The following C8orf34 variants were observed in gnomAD, a reference collection of about 807,000 sequenced individuals.
C8orf34 encodes chromosome 8 open reading frame 34.
A neutral mutation model predicts 68.3 loss-of-function variants in C8orf34; 65 were observed. The observed-to-expected ratio is 0.95, with a 90% CI of 0.78 to 1.17. The LOEUF is 1.17. C8orf34 is among the 50% of genes most tolerant of loss of function. The pLI is 0.00. For synonymous variants in C8orf34, 244 were observed against 241.2 expected (o/e 1.01, Z -0.11); for missense variants, 664 against 655.4 (o/e 1.01, Z -0.14).
chr8:68,506,915 T>G (rs1814048779), intron 5 of C8orf34, among the ~76,000 whole-genome samples: 1 of 152,200 alleles, frequency 6.6e-6, no homozygotes, highest in Non-Finnish European at 1.5e-5. Flanking sequence ...AAGTTTGTCA[T>G]TTGTCCATTG....
chr8:68,740,845 G>C (rs532728137), intron 10 of C8orf34, among the ~76,000 whole-genome samples: 1 of 152,248 alleles, frequency 6.6e-6, no homozygotes, highest in African/African-American at 2.4e-5. Context: ...CCCACCAACG[G>C]TAGACTGGAT....
At chr8:68,748,049 T>C (rs1822565254) in intron 10 of C8orf34, among the ~76,000 whole-genome samples, 1 of 150,226 alleles carries the variant, frequency 6.7e-6, no homozygotes, top group Admixed American at 6.6e-5. Context: ...TATAGATCAA[T>C]GGAACACAAC....
chr8:68,354,277 C>T (rs1247058316), intron 1 of C8orf34, among the ~76,000 whole-genome samples: 1 of 151,580 alleles, frequency 6.6e-6, no homozygotes, highest in African/African-American at 2.4e-5. Context: ...AAACTTATAC[C>T]CAATTTTATT....
intron 1 of C8orf34, among the ~76,000 whole-genome samples, chr8:68,404,160 C>T (rs1424646143): frequency 2.0e-5 from 3 of 151,952 alleles, no homozygotes; most frequent in Non-Finnish European, 2.9e-5. Context: ...GTTTGTTGGC[C>T]GTATAAATGT....
At chr8:68,566,345 T>C (rs551949555) in intron 7 of C8orf34, among the ~76,000 whole-genome samples, 1 of 152,286 alleles carries the variant, frequency 6.6e-6, no homozygotes, top group South Asian at 2.1e-4. Flanking sequence ...CCAGTGTCTG[T>C]TGTTCCGTTC....
intron 11 of C8orf34, among the ~76,000 whole-genome samples, chr8:68,777,343 G>A (rs5022152): frequency 0.49 from 73,920 of 152,108 alleles, 20,492 homozygotes; most frequent in African/African-American, 0.76. Context: ...GCTGCCTGCT[G>A]ATGATAGAAC....
intron 7 of C8orf34, among the ~76,000 whole-genome samples, chr8:68,547,215 C>T (rs1815914052): frequency 6.6e-6 from 1 of 151,640 alleles, no homozygotes; most frequent in South Asian, 2.1e-4. Flanking sequence ...TACTACAGAT[C>T]TTACAGACAC....
At chr8:68,460,695 A>T (rs113218511) in intron 3 of C8orf34, among the ~76,000 whole-genome samples, 18,227 of 152,210 alleles carry the variant, frequency 0.12, 1,255 homozygotes, top group African/African-American at 0.17. Context: ...TCTGGAGTGG[A>T]CCTCTAGCAA....
At chr8:68,474,342 C>T (rs1812510685) in intron 4 of C8orf34, among the ~76,000 whole-genome samples, 1 of 152,150 alleles carries the variant, frequency 6.6e-6, no homozygotes, top group African/African-American at 2.4e-5. Flanking sequence ...CTTCTAGATT[C>T]CTCTTTCTTC....
chr8:68,696,518 T>C (rs1170968594), intron 8 of C8orf34, among the ~76,000 whole-genome samples: 2 of 151,598 alleles, frequency 1.3e-5, no homozygotes, highest in African/African-American at 4.8e-5. Context: ...TCAGATAAAT[T>C]CCTCAAAAGG....
chr8:68,598,821 T>A (rs1032922003), intron 7 of C8orf34, among the ~76,000 whole-genome samples: 5 of 152,078 alleles, frequency 3.3e-5, no homozygotes, highest in African/African-American at 9.7e-5. Flanking sequence ...GAAAATGTTG[T>A]AGATTGTAAA....
chr8:68,449,009 A>G (rs76877078), intron 3 of C8orf34, among the ~76,000 whole-genome samples: 35 of 152,194 alleles, frequency 2.3e-4, no homozygotes, highest in Admixed American at 2.0e-3. Flanking sequence ...ACATGACACA[A>G]AAATTTATAG....
chr8:68,358,626 A>G (rs923126683), intron 1 of C8orf34, among the ~76,000 whole-genome samples: 7 of 151,862 alleles, frequency 4.6e-5, no homozygotes. Flanking sequence ...ATCATGGACC[A>G]TAGGCCAATT....
intron 8 of C8orf34, among the ~76,000 whole-genome samples, chr8:68,699,344 A>G (rs752069048): frequency 5.3e-5 from 8 of 152,120 alleles, no homozygotes; most frequent in Non-Finnish European, 1.2e-4. Context: ...ATTGTTCTGA[A>G]CGAAGTGTGC....
intron 1 of C8orf34, among the ~76,000 whole-genome samples, chr8:68,422,048 G>A (rs1024116291): frequency 6.6e-6 from 1 of 152,118 alleles, no homozygotes; most frequent in African/African-American, 2.4e-5. Context: ...TTGACACATG[G>A]GGATTATGGG....
At chr8:68,521,244 C>A (rs1586309715) in intron 5 of C8orf34, among the ~76,000 whole-genome samples, 1 of 152,122 alleles carries the variant, frequency 6.6e-6, no homozygotes, top group South Asian at 2.1e-4. Context: ...TGTATCATAT[C>A]CGAGTCCATG....
intron 1 of C8orf34, among the ~76,000 whole-genome samples, chr8:68,383,254 C>G (rs1397652585): frequency 3.9e-5 from 6 of 152,140 alleles, no homozygotes; most frequent in Non-Finnish European, 1.5e-5. Flanking sequence ...TTTACTTCAA[C>G]TGTACGATGT....
chr8:68,464,465 G>C (rs1812010297), intron 3 of C8orf34, among the ~76,000 whole-genome samples: 4 of 151,424 alleles, frequency 2.6e-5, no homozygotes, highest in South Asian at 4.2e-4. Flanking sequence ...AGTTCATATG[G>C]AACCAAAAAA....
At position 68,468,720 on chromosome 8, in the gene C8orf34, G is replaced by A. The variant is rs1378966968; in HGVS notation, c.636G>A (p.Trp212Ter). 5 of 1,612,722 alleles carry A rather than the reference G, an allele frequency of 3.1e-6. No individual in the cohort carries two copies. The East Asian group carries it at 1.1e-4, about 36-fold the overall frequency. The change falls in exon 4 of 14, where the codon TGG becomes TGA. Residue 212 changes from tryptophan (W) to a stop codon, truncating the protein, a stop_gained. Transcript: ENST00000518698. LOFTEE classifies it high-confidence loss of function. ...SLPRSVEHPK[W>*]NWRTKPQSRD... is the part of the protein sequence containing the mutation. ...CAAGGTCAGTAGAGCATCCAAAGTG[G>A]AACTGGAGGACTAAACCACAAAGCC...
Sources: gnomAD v4.1 joint callset for allele counts (sites outside exome capture counted in the v4.1 genomes callset) on GRCh38, gnomAD v4.1.1 for gene constraint, MANE v1.5 for transcripts, NCBI Gene and HGNC (gene_info 2026-07-23, HGNC 2026-07-21) for gene names.